The following TYR variants were observed in gnomAD, a reference collection of about 807,000 sequenced individuals.
The protein encoded by TYR is LB24-AB.
A neutral mutation model predicts 51.5 loss-of-function variants in TYR; 58 were observed. That is an observed-to-expected ratio of 1.13 (90% CI 0.91 to 1.40). TYR has a LOEUF of 1.40. Among genes scored for constraint, TYR ranks in the 40% most tolerant of loss-of-function variants. The pLI is 0.00. For synonymous variants in TYR, 263 were observed against 235.2 expected (o/e 1.12, Z -1.08); for missense variants, 732 against 647.4 (o/e 1.13, Z -1.42).
At chr11:89,268,794 CTTG>C (rs763421641) in intron 3 of TYR, among the ~76,000 whole-genome samples, 6 of 151,858 alleles carry the variant, frequency 4.0e-5, no homozygotes, top group Non-Finnish European at 7.4e-5. Flanking sequence ...TCTGGGCTCA[CTTG>C]TTGTTGATCC....
chr11:89,267,169 G>T (rs573352239), intron 3 of TYR, among the ~76,000 whole-genome samples: 1 of 152,068 alleles, frequency 6.6e-6, no homozygotes, highest in African/African-American at 2.4e-5. Context: ...ATATTTCAGT[G>T]AGGATGTTGG....
rs1036409258 is a variant in TYR, at chr11:89,295,410, C to G, written c.*44C>G. On this transcript the variant is annotated 3_prime_UTR_variant, in exon 5 of 5. Coordinates refer to ENST00000263321, the MANE Select transcript of TYR (RefSeq NM_000372.5). Reference sequence around the variant, plus strand: ...TAGGGCCAAAAAGCCTGACCTCACTCTAACTCAAAGTAATGTCCAGGTTCC... The same window carrying G: ...TAGGGCCAAAAAGCCTGACCTCACTGTAACTCAAAGTAATGTCCAGGTTCC... 1 of 1,542,158 alleles carries G rather than the reference C, an allele frequency of 6.5e-7. No individual in the cohort carries two copies. Among genetic ancestry groups the G allele is most frequent in the East Asian group, 2.3e-5 (1 of 43,656 alleles).
chr11:89,217,423 T>C (rs1170434474), intron 2 of TYR, among the ~76,000 whole-genome samples: 1 of 152,192 alleles, frequency 6.6e-6, no homozygotes, highest in African/African-American at 2.4e-5. Context: ...ACTTATCTGA[T>C]GTATCTTCTC....
intron 3 of TYR, among the ~76,000 whole-genome samples, chr11:89,279,497 G>T (rs1944695327): frequency 6.6e-6 from 1 of 151,596 alleles, no homozygotes; most frequent in African/African-American, 2.4e-5. Context: ...CCAAATTTCT[G>T]CAACACTGGC....
chr11:89,231,902 T>C lies in TYR; in HGVS notation c.1184+3932T>C. 1.4e-5 allele frequency among the ~76,000 whole-genome samples: 2 copies of C among 139,058 alleles called. 1 individual carries two copies. The highest frequency in any genetic ancestry group is 1.4e-4 in the Admixed American group (2 of 14,070). 91.2% of individuals were successfully genotyped at this position (139,058 alleles called of 152,430 possible). ...CAGGAGGCTGAGGTAACAGAATCTCTTGAACCTGGGAGACCAAGGTTGCAG... is the reference window on the plus strand; with the variant it reads ...CAGGAGGCTGAGGTAACAGAATCTCCTGAACCTGGGAGACCAAGGTTGCAG... On this transcript the variant is annotated intron_variant, in intron 3 of 4. Transcript: ENST00000263321.
At chr11:89,271,657 C>A (rs182671362) in intron 3 of TYR, among the ~76,000 whole-genome samples, 76 of 151,960 alleles carry the variant, frequency 5.0e-4, no homozygotes, top group African/African-American at 1.8e-3. Context: ...GAGTTTGCTA[C>A]ATTGATTGAC....
chr11:89,266,736 A>G (rs115520426), intron 3 of TYR, among the ~76,000 whole-genome samples: 2,081 of 152,108 alleles, frequency 0.014, 48 homozygotes, highest in African/African-American at 0.046. Flanking sequence ...GTTTTAGTCT[A>G]TAAGCACCAA....
intron 3 of TYR, among the ~76,000 whole-genome samples, chr11:89,230,756 C>T (rs899015851): frequency 2.6e-5 from 4 of 151,876 alleles, no homozygotes; most frequent in African/African-American, 7.3e-5. Flanking sequence ...GATATGCAAA[C>T]GTCCAACAGG....
At chr11:89,211,435 C>T (rs1016004150) in intron 2 of TYR, among the ~76,000 whole-genome samples, 2 of 152,032 alleles carry the variant, frequency 1.3e-5, no homozygotes, top group African/African-American at 4.8e-5. Context: ...AATATAGGAG[C>T]ACCTAGATTC....
At chr11:89,226,499 A>G (rs1329448081) in intron 2 of TYR, among the ~76,000 whole-genome samples, 1 of 152,116 alleles carries the variant, frequency 6.6e-6, no homozygotes, top group Non-Finnish European at 1.5e-5. Context: ...CTAATCTCCC[A>G]GAGGGATCAG....
chr11:89,282,598 A>T (rs1174787842), intron 3 of TYR, among the ~76,000 whole-genome samples: 1 of 151,830 alleles, frequency 6.6e-6, no homozygotes, highest in Non-Finnish European at 1.5e-5. Context: ...TTTGTAGAGA[A>T]GAAAACCATA....
chr11:89,199,515 A>G (rs1943569880), intron 2 of TYR, among the ~76,000 whole-genome samples: 2 of 152,330 alleles, frequency 1.3e-5, no homozygotes, highest in South Asian at 2.1e-4. Flanking sequence ...AGATTAGTGC[A>G]GAGTCCTTTA....
At chr11:89,219,286 G>C (rs903601264) in intron 2 of TYR, among the ~76,000 whole-genome samples, 1 of 147,242 alleles carries the variant, frequency 6.8e-6, no homozygotes, top group African/African-American at 2.6e-5. Context: ...GCAGCAGAAT[G>C]ACAGAGTGAC....
Position 89,238,964 on chromosome 11 carries a change from C to A in TYR, c.1184+10994C>A, listed in dbSNP as rs191307283. On this transcript the variant is annotated intron_variant, in intron 3 of 4. Transcript: ENST00000263321. The stretch of plus-strand genomic sequence containing the variant: ...TAGTGAACCAGCCTTCTGTTGAATT[C>A]ACTGTCAAATTCAGTGTTTTAGTAT... Among the ~76,000 whole-genome samples, 15 of 152,210 alleles carry A rather than the reference C, an allele frequency of 9.9e-5. No individual in the cohort carries two copies. The East Asian group carries it at 2.3e-3, about 24-fold the overall frequency.
intron 3 of TYR, among the ~76,000 whole-genome samples, chr11:89,240,987 G>T (rs966418625): frequency 6.6e-6 from 1 of 152,176 alleles, no homozygotes; most frequent in Admixed American, 6.6e-5. Context: ...GTTTGAGAAG[G>T]TTGAAGACTC....
At chr11:89,255,753 G>A (rs748535809) in intron 3 of TYR, among the ~76,000 whole-genome samples, 1 of 151,554 alleles carries the variant, frequency 6.6e-6, no homozygotes, top group Non-Finnish European at 1.5e-5. Flanking sequence ...TAGTGATGCT[G>A]CTAATTTATT....
chr11:89,220,994 C>G (rs2135276769), intron 2 of TYR, among the ~76,000 whole-genome samples: 1 of 152,298 alleles, frequency 6.6e-6, no homozygotes, highest in African/African-American at 2.4e-5. Flanking sequence ...TTTAATAACA[C>G]AAAAACCTTT....
intron 3 of TYR, among the ~76,000 whole-genome samples, chr11:89,256,239 T>C (rs1565414550): frequency 6.6e-6 from 1 of 151,860 alleles, no homozygotes; most frequent in African/African-American, 2.4e-5. Context: ...AACTTGGATG[T>C]GTGAACGTAA....
chr11:89,203,344 G>A (rs10830238), intron 2 of TYR, among the ~76,000 whole-genome samples: 76,378 of 151,968 alleles, frequency 0.5, 21,864 homozygotes, highest in African/African-American at 0.8. Context: ...AGTAAAGCTG[G>A]GGACTCTGAT....
Sources: gnomAD v4.1 joint callset for allele counts (sites outside exome capture counted in the v4.1 genomes callset) on GRCh38, gnomAD v4.1.1 for gene constraint, MANE v1.5 for transcripts, NCBI Gene and HGNC (gene_info 2026-07-23, HGNC 2026-07-21) for gene names.